Variants in TTLL7 observed in about 807,000 individuals in gnomAD.
TTLL7 encodes tubulin tyrosine ligase like 7, also known as tubulin polyglutamylase TTLL7.
A neutral mutation model predicts 120.2 loss-of-function variants in TTLL7; 53 were observed. The ratio of observed to expected loss-of-function variants is 0.44; its 90% CI spans 0.35 to 0.55. The LOEUF is 0.55. Ranked by LOEUF, TTLL7 falls within the 20% of genes least tolerant of loss-of-function variation. TTLL7 has a pLI of 0.00. For synonymous variants in TTLL7, 353 were observed against 351.7 expected (o/e 1.00, Z -0.04); for missense variants, 803 against 1,054.7 (o/e 0.76, Z 3.31).
intron 1 of TTLL7, among the ~76,000 whole-genome samples, chr1:83,971,270 T>A (rs1650943358): frequency 6.6e-6 from 1 of 152,084 alleles, no homozygotes; most frequent in African/African-American, 2.4e-5. Context: ...GCCTTTAAAT[T>A]CAGCCAACAC....
chr1:83,898,355 T>C (rs1330300341), intron 18 of TTLL7, among the ~76,000 whole-genome samples: 1 of 151,996 alleles, frequency 6.6e-6, no homozygotes, highest in Non-Finnish European at 1.5e-5. Context: ...CTAGAGTACA[T>C]TCCCTTATGA....
At chr1:83,992,983 G>A (rs887287386) in intron 1 of TTLL7, among the ~76,000 whole-genome samples, 3 of 151,802 alleles carry the variant, frequency 2.0e-5, no homozygotes, top group Non-Finnish European at 4.4e-5. Context: ...TATTTGTTAA[G>A]TACTTTGAAA....
intron 1 of TTLL7, among the ~76,000 whole-genome samples, chr1:83,986,274 CAA>C (rs1251980703): frequency 1.3e-5 from 2 of 152,054 alleles, no homozygotes; most frequent in African/African-American, 2.4e-5. Flanking sequence ...GCTGTCATGA[CAA>C]AGTGAGATTT....
At chr1:83,881,271 G>A (rs34343190) in intron 20 of TTLL7, among the ~76,000 whole-genome samples, 9 of 148,452 alleles carry the variant, frequency 6.1e-5, no homozygotes, top group Non-Finnish European at 3.0e-5. Flanking sequence ...AGCTTCTGCA[G>A]AGCAAAAGAA....
chr1:83,872,097 T>G (rs1357971451), intron 20 of TTLL7, among the ~76,000 whole-genome samples: 3 of 152,160 alleles, frequency 2.0e-5, no homozygotes, highest in African/African-American at 4.8e-5. Context: ...TGCATTATAA[T>G]CAAACTATAC....
In TTLL7 at chr1:83,875,329, T is replaced by A. The variant is rs142628372; in HGVS notation, c.2544-5247A>T. The stretch of plus-strand genomic sequence containing the variant: ...ATCTGGCTTATTTTGCTTAACTTTA[T>A]GTTTGAAACTAACCCATCTTGCTAT... On this transcript the variant is annotated intron_variant, in intron 20 of 20. Coordinates refer to ENST00000260505, the MANE Select transcript of TTLL7 (RefSeq NM_024686.6). Among the ~76,000 whole-genome samples, 46 of 152,130 alleles carry A rather than the reference T, an allele frequency of 3.0e-4. No homozygotes were observed. The East Asian group carries it at 8.1e-3, about 27-fold the overall frequency.
chr1:83,981,109 GAGAA>G (rs1651910639), intron 1 of TTLL7: 1 of 151,736 alleles, frequency 6.6e-6, no homozygotes, highest in Admixed American at 6.6e-5. Flanking sequence ...ATAGAAAAAT[GAGAA>G]AGAAAGGAAA....
At chr1:83,956,170 G>A (rs992794176) in intron 1 of TTLL7, among the ~76,000 whole-genome samples, 45 of 151,928 alleles carry the variant, frequency 3.0e-4, no homozygotes, top group Non-Finnish European at 5.3e-4. Context: ...ATAGCTCACC[G>A]TAATCTTGAA....
At chr1:83,887,114 C>G in intron 19 of TTLL7, 1 of 530,242 alleles carries the variant, frequency 1.9e-6, no homozygotes, top group Non-Finnish European at 2.5e-6. Flanking sequence ...TCTAGGGAAA[C>G]CTACCACAAA....
chr1:83,895,148 C>T (rs1656103147), intron 18 of TTLL7, among the ~76,000 whole-genome samples: 1 of 152,006 alleles, frequency 6.6e-6, no homozygotes, highest in Non-Finnish European at 1.5e-5. Context: ...TAGCAAGCAC[C>T]TTATTTTATT....
intron 14 of TTLL7, among the ~76,000 whole-genome samples, chr1:83,914,391 G>A (rs767596789): frequency 1.4e-5 from 2 of 138,420 alleles, no homozygotes; most frequent in African/African-American, 2.7e-5. Flanking sequence ...GAGTGCAGTG[G>A]CGCGATCTTG....
Position 83,951,966 on chromosome 1 carries a change from T to C in TTLL7, c.36A>G (p.Gly12=). ...PSLPQEGVIQ[G]PSPLDLNTEL... ...CTGTATTCAAATCCAGGGGAGAGGG[T>C]CCCTGAATAACTTTAAAAAAATGTA... The change falls in exon 3 of 21, where the codon GGA becomes GGG. Residue 12 remains glycine (G), a synonymous_variant. Coordinates refer to ENST00000260505, the MANE Select transcript of TTLL7 (RefSeq NM_024686.6). 6.2e-7 allele frequency: 1 copy of C among 1,604,120 alleles called. No homozygotes were observed. The highest frequency in any genetic ancestry group is 8.5e-7 in the Non-Finnish European group (1 of 1,177,470).
intron 16 of TTLL7, 103 bp downstream of exon 16, chr1:83,907,353 T>C: frequency 9.9e-7 from 1 of 1,012,298 alleles, no homozygotes; most frequent in Non-Finnish European, 1.5e-6. Flanking sequence ...TGAGTTGAAT[T>C]ATGGAAAGGA....
intron 1 of TTLL7, among the ~76,000 whole-genome samples, chr1:83,985,566 G>T (rs1260979942): frequency 1.3e-5 from 2 of 152,048 alleles, no homozygotes; most frequent in Non-Finnish European, 2.9e-5. Flanking sequence ...AACCATCACA[G>T]ATTTTTTAAA....
chr1:83,917,579 T>C (rs760246963), intron 14 of TTLL7, 25 bp downstream of exon 14: 1 of 1,525,536 alleles, frequency 6.6e-7, no homozygotes, highest in East Asian at 2.3e-5. Flanking sequence ...CTTTGATAAG[T>C]AAGGAAGGTA....
chr1:83,922,020 C>A (rs1658712296), intron 10 of TTLL7, among the ~76,000 whole-genome samples: 2 of 151,984 alleles, frequency 1.3e-5, no homozygotes, highest in African/African-American at 4.8e-5. Context: ...GATTATTTTC[C>A]TCTAAACCAC....
intron 1 of TTLL7, among the ~76,000 whole-genome samples, chr1:83,971,964 C>G (rs370554667): frequency 6.8e-6 from 1 of 148,040 alleles, no homozygotes; most frequent in African/African-American, 2.4e-5. Context: ...TTTTTAAGAG[C>G]AGTTATAAAT....
chr1:83,921,956 A>G (rs931731940), intron 10 of TTLL7, among the ~76,000 whole-genome samples: 2 of 152,088 alleles, frequency 1.3e-5, no homozygotes, highest in African/African-American at 2.4e-5. Flanking sequence ...TTTTTACTCA[A>G]TTATGAAAAT....
At chr1:83,892,647 T>C (rs1022999416) in intron 18 of TTLL7, among the ~76,000 whole-genome samples, 6 of 113,266 alleles carry the variant, frequency 5.3e-5, no homozygotes, top group Non-Finnish European at 1.3e-4. Flanking sequence ...AACATATATA[T>C]GAACATATGA....
Sources: allele counts gnomAD v4.1 joint callset (sites outside exome capture counted in the v4.1 genomes callset), GRCh38; gene constraint gnomAD v4.1.1; transcripts MANE v1.5; gene names NCBI Gene and HGNC (gene_info 2026-07-23, HGNC 2026-07-21).